Variants in DLG2 observed in about 807,000 individuals in gnomAD.
DLG2 encodes the protein discs large MAGUK scaffold protein 2.
In DLG2, 45 loss-of-function variants were observed where a neutral mutation model predicts 132.5. The ratio of observed to expected loss-of-function variants is 0.34; its 90% CI spans 0.27 to 0.44. The LOEUF (loss-of-function observed/expected upper bound fraction) is 0.44, where lower values mean the gene tolerates loss of function less well. Ranked by LOEUF, DLG2 falls within the 20% of genes least tolerant of loss-of-function variation. The pLI is 1.00. For missense variants in DLG2, 1,045 were observed against 1,196.9 expected, an observed-to-expected ratio of 0.87 and a Z score of 1.87; for synonymous variants, 424 against 419.6, an observed-to-expected ratio of 1.01 and a Z score of -0.13.
At chr11:84,424,398 G>T (rs575380212) in intron 7 of DLG2, among the ~76,000 whole-genome samples, 1 of 152,086 alleles carries the variant, frequency 6.6e-6, no homozygotes, top group African/African-American at 2.4e-5. Context: ...CCAAAGAATT[G>T]TATGCACCCC....
chr11:84,780,401 A>T (rs908808830), intron 6 of DLG2, among the ~76,000 whole-genome samples: 2 of 152,162 alleles, frequency 1.3e-5, no homozygotes, highest in Non-Finnish European at 2.9e-5. Flanking sequence ...GGCCATATAT[A>T]ATATACACAC....
At position 83,919,759 on chromosome 11, in the gene DLG2, T is replaced by C. The variant is rs568830299; in HGVS notation, c.1496+10569A>G. 8.3e-4 allele frequency among the ~76,000 whole-genome samples: 127 copies of C among 152,322 alleles called. 2 individuals carry two copies. The Middle Eastern group carries it at 0.01, about 12-fold the overall frequency. ...TGGACTAAACTGTTTAGTCCAATCT[T>C]TGTACCCAACCATCTCTGAACCTAT... is the stretch of plus-strand genomic sequence containing the variant. On this transcript the variant is annotated intron_variant, in intron 15 of 27. Coordinates refer to ENST00000376104, the MANE Select transcript of DLG2 (RefSeq NM_001142699.3).
At chr11:85,324,531 C>A (rs954170) in intron 3 of DLG2, among the ~76,000 whole-genome samples, 1 of 152,108 alleles carries the variant, frequency 6.6e-6, no homozygotes, top group Non-Finnish European at 1.5e-5. Flanking sequence ...ATTAAACTTT[C>A]GGAGCATCAT....
chr11:84,316,125 TAGGA>T (rs1031556144), intron 7 of DLG2, among the ~76,000 whole-genome samples: 3 of 152,156 alleles, frequency 2.0e-5, no homozygotes, highest in Non-Finnish European at 2.9e-5. Flanking sequence ...TAGAATAACC[TAGGA>T]ATCAAATTAA....
chr11:84,366,203 C>T (rs957687487), intron 7 of DLG2, among the ~76,000 whole-genome samples: 1 of 151,846 alleles, frequency 6.6e-6, no homozygotes, highest in African/African-American at 2.4e-5. Context: ...ATTTCATATC[C>T]AGCCAAACTA....
chr11:85,579,651 A>AGAT (rs2078385764), intron 3 of DLG2, among the ~76,000 whole-genome samples: 1 of 152,114 alleles, frequency 6.6e-6, no homozygotes, highest in Non-Finnish European at 1.5e-5. Flanking sequence ...TAGCTTCAGG[A>AGAT]GAAAATAGGA....
intron 6 of DLG2, among the ~76,000 whole-genome samples, chr11:84,634,964 G>C (rs574105030): frequency 3.3e-5 from 5 of 152,244 alleles, no homozygotes; most frequent in African/African-American, 1.2e-4. Flanking sequence ...AAGACTACAG[G>C]GTCAATCCAG....
At chr11:84,537,447 T>A (rs1028028195) in intron 6 of DLG2, among the ~76,000 whole-genome samples, 5 of 152,166 alleles carry the variant, frequency 3.3e-5, no homozygotes, top group African/African-American at 1.2e-4. Flanking sequence ...CCAATAATTA[T>A]AAAATAAATA....
At chr11:84,980,947 G>A (rs2055648104) in intron 6 of DLG2, among the ~76,000 whole-genome samples, 1 of 152,118 alleles carries the variant, frequency 6.6e-6, no homozygotes, top group Non-Finnish European at 1.5e-5. Context: ...TGGGGCATAT[G>A]CCTTTCTTTT....
chr11:83,476,447 C>A (rs573492071), intron 22 of DLG2, among the ~76,000 whole-genome samples: 2 of 152,248 alleles, frequency 1.3e-5, no homozygotes, highest in East Asian at 3.9e-4. Flanking sequence ...TATTCTAATT[C>A]AAGCTACTCA....
chr11:85,066,174 T>C (rs1005928024), intron 6 of DLG2, among the ~76,000 whole-genome samples: 1 of 151,692 alleles, frequency 6.6e-6, no homozygotes, highest in Non-Finnish European at 1.5e-5. Flanking sequence ...TGAGCATCTC[T>C]ATGAACAAAT....
chr11:85,545,206 T>G (rs1426386035), intron 3 of DLG2, among the ~76,000 whole-genome samples: 2 of 152,240 alleles, frequency 1.3e-5, no homozygotes, highest in African/African-American at 4.8e-5. Context: ...GAAGGGCTGT[T>G]GAATTTTGTC....
chr11:85,244,668 C>A (rs2152684079), intron 4 of DLG2, among the ~76,000 whole-genome samples: 1 of 152,002 alleles, frequency 6.6e-6, no homozygotes, highest in East Asian at 1.9e-4. Flanking sequence ...TTGGATACAG[C>A]ACTAAGGAAA....
chr11:84,827,827 T>C (rs982277832), intron 6 of DLG2, among the ~76,000 whole-genome samples: 3 of 151,814 alleles, frequency 2.0e-5, no homozygotes, highest in African/African-American at 4.8e-5. Flanking sequence ...GAGATCATTA[T>C]ATTATATGAA....
At chr11:84,824,084 A>C (rs375182257) in intron 6 of DLG2, among the ~76,000 whole-genome samples, 1 of 151,766 alleles carries the variant, frequency 6.6e-6, no homozygotes, top group Admixed American at 6.6e-5. Flanking sequence ...CTTGTCCAAA[A>C]CTCAACTCTT....
rs190350229 is a variant in DLG2 at position 85,153,544 on chromosome 11, T to G, written c.282+1012A>C. ...AATATCAAATCTCCAAGCTTTATGCTTTGCATATTAGGTTTATTTAAACAC... is the reference window on the plus strand; with the variant it reads ...AATATCAAATCTCCAAGCTTTATGCGTTGCATATTAGGTTTATTTAAACAC... On this transcript the variant is annotated intron_variant, in intron 5 of 27. Coordinates refer to ENST00000376104, the MANE Select transcript of DLG2 (RefSeq NM_001142699.3). Among the ~76,000 whole-genome samples the G allele has an allele frequency of 3.0e-3, 464 of 152,314 alleles. 1 individual carries two copies. The highest frequency in any genetic ancestry group is 0.011 in the African/African-American group (450 of 41,588).
intron 3 of DLG2, among the ~76,000 whole-genome samples, chr11:85,530,513 G>A (rs1371452190): frequency 1.3e-5 from 2 of 151,644 alleles, no homozygotes; most frequent in Non-Finnish European, 2.9e-5. Flanking sequence ...AGTAGAAATG[G>A]GGTTTCACCA....
chr11:85,071,031 C>T (rs577206113), intron 6 of DLG2, among the ~76,000 whole-genome samples: 38 of 151,968 alleles, frequency 2.5e-4, no homozygotes, highest in African/African-American at 7.2e-4. Context: ...CTTGGGAAAA[C>T]TACCTGATCT....
chr11:84,628,060 C>G (rs930745568), intron 6 of DLG2, among the ~76,000 whole-genome samples: 3 of 151,688 alleles, frequency 2.0e-5, no homozygotes, highest in Admixed American at 1.3e-4. Flanking sequence ...GTTCAAATGT[C>G]TCTTCTGAAA....
Sources: gnomAD v4.1 joint callset for allele counts (sites outside exome capture counted in the v4.1 genomes callset) on GRCh38, gnomAD v4.1.1 for gene constraint, MANE v1.5 for transcripts, NCBI Gene and HGNC (gene_info 2026-07-23, HGNC 2026-07-21) for gene names.